GLIS1: variants seen among roughly 807,000 people sequenced by gnomAD.
The protein encoded by GLIS1 is GLIS family zinc finger 1.
A neutral mutation model predicts 63.8 loss-of-function variants in GLIS1; 24 were observed. That is an observed-to-expected ratio of 0.38 (90% confidence interval 0.27 to 0.53). The LOEUF is 0.53. Ranked by LOEUF, GLIS1 falls within the 20% of genes least tolerant of loss-of-function variation. GLIS1 has a pLI of 0.85. For missense variants in GLIS1, 1,036 were observed against 1,074.1 expected, an observed-to-expected ratio of 0.96 and a Z score of 0.50; for synonymous variants, 450 against 482.5, an observed-to-expected ratio of 0.93 and a Z score of 0.88.
chr1:53,548,484 G>A (rs1426260667), intron 4 of GLIS1, among the ~76,000 whole-genome samples: 1 of 152,198 alleles, frequency 6.6e-6, no homozygotes, highest in Non-Finnish European at 1.5e-5. Flanking sequence ...CCGTGACAAC[G>A]CTGCCATGCC....
intron 7 of GLIS1, among the ~76,000 whole-genome samples, chr1:53,517,450 C>T (rs1050082003): frequency 6.6e-6 from 1 of 152,208 alleles, no homozygotes. Flanking sequence ...CCACTCACTA[C>T]TCTCCTTAGC....
intron 4 of GLIS1, among the ~76,000 whole-genome samples, chr1:53,549,280 T>C (rs1010144915): frequency 6.6e-6 from 1 of 152,264 alleles, no homozygotes; most frequent in Non-Finnish European, 1.5e-5. Context: ...TTTGTTCTTA[T>C]TTCTCTTTGC....
chr1:53,537,509 G>A (rs983441528), intron 4 of GLIS1, among the ~76,000 whole-genome samples: 4 of 152,214 alleles, frequency 2.6e-5, no homozygotes, highest in Non-Finnish European at 5.9e-5. Context: ...ATCCACCACC[G>A]GGAGCCTGAA....
chr1:53,543,523 C>G (rs1038108955), intron 4 of GLIS1, among the ~76,000 whole-genome samples: 2 of 152,180 alleles, frequency 1.3e-5, no homozygotes, highest in Admixed American at 6.5e-5. Context: ...AAACCCCTGG[C>G]CCCTGTGCTT....
At chr1:53,695,010 C>T (rs1646449873) in intron 2 of GLIS1, among the ~76,000 whole-genome samples, 1 of 152,116 alleles carries the variant, frequency 6.6e-6, no homozygotes, top group African/African-American at 2.4e-5. Flanking sequence ...CACGGCCAGG[C>T]AGCAAGTGGT....
At chr1:53,554,330 T>A (rs995413187) in intron 4 of GLIS1, among the ~76,000 whole-genome samples, 1 of 152,074 alleles carries the variant, frequency 6.6e-6, no homozygotes, top group South Asian at 2.1e-4. Flanking sequence ...ACAGCCTGAA[T>A]CCAAGTCCTT....
Position 53,594,361 on chromosome 1 carries a change from C to A in GLIS1, c.1067G>T (p.Gly356Val), listed in dbSNP as rs1234599953. 2.5e-6 allele frequency: 4 copies of A among 1,611,620 alleles called. No individual in the cohort carries two copies. In the East Asian group the frequency reaches 8.9e-5, roughly 36 times the overall value. Residue 356 changes from glycine to valine, a missense_variant, in exon 4 of 11, where the codon GGC becomes GTC. Physicochemically the swap from Gly to Val is moderately radical, Grantham distance 109. Coordinates refer to ENST00000628545, the MANE Select transcript of GLIS1 (RefSeq NM_001367484.1). ...CCTGCCTGCCAGGCCCAGCCCCAGG[C>A]CTCCAAGGCTTGGGCCAGGCGGCAA... is the stretch of plus-strand genomic sequence containing the variant. ...SQLPPGPSLGGLGLGLAGRVV... is the reference protein window; with the variant it reads ...SQLPPGPSLGVLGLGLAGRVV...
At chr1:53,632,840 G>A (rs1205979871) in intron 2 of GLIS1, among the ~76,000 whole-genome samples, 1 of 147,910 alleles carries the variant, frequency 6.8e-6, no homozygotes, top group Non-Finnish European at 1.5e-5. Context: ...GTGACTAAGG[G>A]GCGTGTATGT....
At chr1:53,683,840 T>C (rs772339719) in intron 2 of GLIS1, among the ~76,000 whole-genome samples, 30 of 152,072 alleles carry the variant, frequency 2.0e-4, no homozygotes, top group Non-Finnish European at 3.5e-4. Flanking sequence ...GATTTGTGCA[T>C]TGGGAGGATG....
At chr1:53,638,589 G>T (rs781044416) in intron 2 of GLIS1, among the ~76,000 whole-genome samples, 1 of 152,142 alleles carries the variant, frequency 6.6e-6, no homozygotes, top group African/African-American at 2.4e-5. Flanking sequence ...CCCCAGCAGG[G>T]CCTCTGAGGC....
intron 2 of GLIS1, among the ~76,000 whole-genome samples, chr1:53,643,294 C>G (rs1241173988): frequency 1.3e-5 from 2 of 152,224 alleles, no homozygotes; most frequent in African/African-American, 4.8e-5. Flanking sequence ...GCCCTGGGAA[C>G]AAACCTTCAG....
chr1:53,580,896 A>G (rs1196792394), intron 4 of GLIS1, among the ~76,000 whole-genome samples: 1 of 152,188 alleles, frequency 6.6e-6, no homozygotes, highest in Non-Finnish European at 1.5e-5. Flanking sequence ...GCCCATGGTC[A>G]TAAAAACAGA....
chr1:53,724,738 T>C (rs1228111668), intron 2 of GLIS1, among the ~76,000 whole-genome samples: 1 of 152,186 alleles, frequency 6.6e-6, no homozygotes, highest in East Asian at 1.9e-4. Flanking sequence ...CAGGCTGGTC[T>C]TGAACTCCTG....
At chr1:53,703,244 T>C (rs913989400) in intron 2 of GLIS1, among the ~76,000 whole-genome samples, 20 of 152,188 alleles carry the variant, frequency 1.3e-4, no homozygotes, top group Admixed American at 3.9e-4. Context: ...GTACTATTAT[T>C]ATCTCTATTT....
chr1:53,632,769 G>C lies in GLIS1; in HGVS notation c.260-32491C>G, dbSNP rs75441935. ...GGGGCGTGTGTATGAGTGTGACTGA[G>C]GGATGTGTGAATGAGTGTGACTGAG... On this transcript the variant is annotated intron_variant, in intron 2 of 10. Transcript: ENST00000628545. 5.7e-3 allele frequency among the ~76,000 whole-genome samples: 851 copies of C among 150,170 alleles called. 17 individuals are homozygous for C. The highest frequency in any genetic ancestry group is 0.041 in the East Asian group (204 of 4,980).
At chr1:53,619,700 G>C (rs554266408) in intron 2 of GLIS1, among the ~76,000 whole-genome samples, 1 of 152,320 alleles carries the variant, frequency 6.6e-6, no homozygotes, top group South Asian at 2.1e-4. Flanking sequence ...CCCGCCAGGC[G>C]GCCCACAGGC....
At chr1:53,612,374 G>T (rs1006922909) in intron 2 of GLIS1, among the ~76,000 whole-genome samples, 1 of 151,998 alleles carries the variant, frequency 6.6e-6, no homozygotes, top group African/African-American at 2.4e-5. Context: ...TAAGTAGCTG[G>T]GACTACAGGT....
Position 53,671,495 on chromosome 1 carries a change from G to A in GLIS1, c.259+66311C>T, listed in dbSNP as rs544252391. ...GGCTGGGGTGTTGGCTCCTGGAAAC[G>A]AGAGGCCCATGGCCCCCAGTGCCTG... On this transcript the variant is annotated intron_variant, in intron 2 of 10. Coordinates refer to ENST00000628545, the MANE Select transcript of GLIS1 (RefSeq NM_001367484.1). Among the ~76,000 whole-genome samples the A allele has an allele frequency of 4.6e-5, 7 of 152,320 alleles. No homozygotes were observed. The South Asian group carries it at 1.0e-3, about 23-fold the overall frequency.
chr1:53,584,713 C>T (rs1322831131), intron 4 of GLIS1, among the ~76,000 whole-genome samples: 3 of 152,176 alleles, frequency 2.0e-5, no homozygotes, highest in Non-Finnish European at 4.4e-5. Flanking sequence ...CTCTTCTCCT[C>T]AGCATCTCGG....
Sources: gnomAD v4.1 joint callset for allele counts (sites outside exome capture counted in the v4.1 genomes callset) on GRCh38, gnomAD v4.1.1 for gene constraint, MANE v1.5 for transcripts, NCBI Gene and HGNC (gene_info 2026-07-23, HGNC 2026-07-21) for gene names.